Variants in ASCL3 observed in about 807,000 individuals in gnomAD.
ASCL3 encodes the protein achaete-scute homolog 3.
ASCL3 carries 1 observed loss-of-function variant against 2.3 expected under a neutral mutation model. That is an observed-to-expected ratio of 0.44 (90% CI 0.16 to 2.10). The LOEUF is 2.10. ASCL3 is among the 30% of genes most tolerant of loss of function. ASCL3 has a pLI of 0.28. For missense variants in ASCL3, 243 were observed against 229.0 expected (o/e 1.06, Z -0.40); for synonymous variants, 98 against 88.5 (o/e 1.11, Z -0.60).
chr11:8,937,615 C>T lies in ASCL3; in HGVS notation c.*1G>A. 2 of 1,600,566 alleles carry T rather than the reference C, an allele frequency of 1.2e-6. No individual in the cohort carries two copies. The highest frequency in any genetic ancestry group is 1.7e-6 in the Non-Finnish European group (2 of 1,171,844). On this transcript the variant is annotated 3_prime_UTR_variant, in exon 2 of 2. Transcript: ENST00000531618. ...ATTCATTTCTATTTGGAAACAGCAA[C>T]TCAAACAATTCTGAACATAGGGTCA...
chr11:8,939,524 C>G (rs1350487764), intron 1 of ASCL3, among the ~76,000 whole-genome samples: 2 of 152,122 alleles, frequency 1.3e-5, no homozygotes, highest in Non-Finnish European at 2.9e-5. Flanking sequence ...CAGGTGTGAG[C>G]CACTGTGCCC....
At chr11:8,938,492 G>A (rs1373595882) in intron 1 of ASCL3, among the ~76,000 whole-genome samples, 1 of 151,830 alleles carries the variant, frequency 6.6e-6, no homozygotes, top group East Asian at 1.9e-4. Context: ...CTTGTGATCC[G>A]CCCGCCTCAG....
intron 1 of ASCL3, among the ~76,000 whole-genome samples, chr11:8,942,453 C>T (rs1853713131): frequency 6.6e-6 from 1 of 152,016 alleles, no homozygotes; most frequent in Non-Finnish European, 1.5e-5. Flanking sequence ...TCCATGGTTC[C>T]AGATACAGAC....
At position 8,937,788 on chromosome 11, in the gene ASCL3, A is replaced by G. The variant is rs749889276; in HGVS notation, c.374T>C (p.Leu125Ser). 19 of 1,613,964 alleles carry G rather than the reference A, an allele frequency of 1.2e-5. No homozygotes were observed. The highest frequency in any genetic ancestry group is 8.3e-5 in the Admixed American group (5 of 59,998). ...QLRHHLPEEY[L>S]EKRLSKVETL... ...TTCCACTTTGCTGAGTCGCTTCTCC[A>G]AATACTCCTCTGGCAGATGATGGCG... Residue 125 changes from leucine (L) to serine (S), a missense_variant, in exon 2 of 2, where the codon TTG (leucine) becomes TCG (serine). Physicochemically the swap from Leu to Ser is moderately radical, Grantham distance 145. Coordinates refer to ENST00000531618, the MANE Select transcript of ASCL3 (RefSeq NM_020646.3).
chr11:8,942,778 C>T (rs924681573), intron 1 of ASCL3, among the ~76,000 whole-genome samples: 1 of 152,124 alleles, frequency 6.6e-6, no homozygotes, highest in Non-Finnish European at 1.5e-5. Flanking sequence ...TCCCGACTTC[C>T]AAATCAAAAC....
chr11:8,938,222 T>C (rs2064690041), intron 1 of ASCL3, 49 bp from the exon 2 acceptor site: 7 of 1,392,624 alleles, frequency 5.0e-6, no homozygotes, highest in Non-Finnish European at 5.9e-6. Context: ...AGAGCAGATA[T>C]GATCTACTTT....
intron 1 of ASCL3, 63 bp from the exon 2 acceptor site, chr11:8,938,236 G>T: frequency 7.5e-7 from 1 of 1,325,114 alleles, no homozygotes; most frequent in Non-Finnish European, 1.0e-6. Context: ...CTACTTTCTT[G>T]GAGATCAATG....
Position 8,937,913 on chromosome 11 carries a change from G to A in ASCL3, c.249C>T (p.Tyr83=). 2 of 1,614,096 alleles carry A rather than the reference G, an allele frequency of 1.2e-6. No homozygotes were observed. Among genetic ancestry groups the A allele is most frequent in the Non-Finnish European group, 8.5e-7 (1 of 1,180,000 alleles). The change falls in exon 2 of 2, where the codon TAC becomes TAT. Residue 83 remains tyrosine, a synonymous_variant. Coordinates refer to ENST00000531618, the MANE Select transcript of ASCL3 (RefSeq NM_020646.3). ...GCCCGTAGGAGTACTCGCACCCTCTGTAATTTGGATAAGGCATCGGGAAAG... is the reference window on the plus strand; with the variant it reads ...GCCCGTAGGAGTACTCGCACCCTCTATAATTTGGATAAGGCATCGGGAAAG... The part of the protein sequence containing the change: ...PFSFPMPYPN[Y]RGCEYSYGPA...
At position 8,938,179 on chromosome 11, in the gene ASCL3, A is replaced by G. The variant is rs1350380732; in HGVS notation, c.-12-6T>C. 1 of 1,563,190 alleles carries G rather than the reference A, an allele frequency of 6.4e-7. No individual in the cohort carries two copies. Among genetic ancestry groups the G allele is most frequent in the Non-Finnish European group, 8.7e-7 (1 of 1,153,290 alleles). On this transcript the variant is annotated splice_polypyrimidine_tract_variant and splice_region_variant and intron_variant, in intron 1 of 1. Coordinates refer to ENST00000531618, the MANE Select transcript of ASCL3 (RefSeq NM_020646.3). ...TCCATCATTTCCTCTTTAACCTGCA[A>G]ACATAACCAAGTTTAACAATGTGGT...
Position 8,942,914 on chromosome 11 carries a change from G to A in ASCL3, c.-13+72C>T, listed in dbSNP as rs1466610024. Among the ~76,000 whole-genome samples the A allele has an allele frequency of 3.3e-5, 5 of 152,108 alleles. No homozygotes were observed. In the East Asian group the frequency reaches 9.6e-4, roughly 29 times the overall value. On this transcript the variant is annotated intron_variant, in intron 1 of 1. Transcript: ENST00000531618. ...TGACAAAATTCAGTATTTATCAACT[G>A]TACCTAGGGATTTTCTTAAAAATCA...
Position 8,937,874 on chromosome 11 carries a change from C to A in ASCL3, c.288G>T (p.Arg96=), listed in dbSNP as rs534209643. The A allele has an allele frequency of 1.2e-6, 2 of 1,614,130 alleles. No homozygotes were observed. Among genetic ancestry groups the A allele is most frequent in the African/African-American group, 2.7e-5 (2 of 75,048 alleles). ...CEYSYGPAFT[R]KRNERERQRV... is the part of the protein sequence containing the mutation. Reference sequence around the variant, plus strand: ...GCTGCCTTTCCCGCTCATTCCTTTTCCGGGTGAAGGCTGGCCCGTAGGAGT... The same window carrying A: ...GCTGCCTTTCCCGCTCATTCCTTTTACGGGTGAAGGCTGGCCCGTAGGAGT... Residue 96 remains arginine (R), a synonymous_variant, in exon 2 of 2, where the codon CGG becomes CGT. Coordinates refer to ENST00000531618, the MANE Select transcript of ASCL3 (RefSeq NM_020646.3).
chr11:8,942,478 C>T (rs1179909919), intron 1 of ASCL3, among the ~76,000 whole-genome samples: 1 of 152,094 alleles, frequency 6.6e-6, no homozygotes, highest in Non-Finnish European at 1.5e-5. Context: ...CTAACAAACA[C>T]ACCTATGTTG....
intron 1 of ASCL3, among the ~76,000 whole-genome samples, chr11:8,941,871 C>T (rs1853703229): frequency 1.3e-5 from 2 of 152,040 alleles, no homozygotes; most frequent in Admixed American, 6.5e-5. Context: ...AGAGAAAGAA[C>T]GGGTATGGCA....
rs2134847212 is a variant in ASCL3, at chr11:8,937,637, G to A, written c.525C>T (p.Asp175=). The A allele has an allele frequency of 1.9e-6, 3 of 1,613,714 alleles. No individual in the cohort carries two copies. Among genetic ancestry groups the A allele is most frequent in the East Asian group, 4.5e-5 (2 of 44,882 alleles). The stretch of plus-strand genomic sequence containing the variant: ...CAACTCAAACAATTCTGAACATAGG[G>A]TCAGCATGGTGGCTGGTGGTTGCTA... The part of the protein sequence containing the change: ...SMIATTSHHA[D]PMFRIV Residue 175 remains aspartate, a synonymous_variant, in exon 2 of 2, where the codon GAC becomes GAT. Transcript: ENST00000531618.
At chr11:8,942,438 G>A (rs1853712749) in intron 1 of ASCL3, among the ~76,000 whole-genome samples, 1 of 152,060 alleles carries the variant, frequency 6.6e-6, no homozygotes, top group Non-Finnish European at 1.5e-5. Flanking sequence ...TGGTAGTGCT[G>A]GGGCTCCATG....
At chr11:8,939,339 A>G (rs1487485113) in intron 1 of ASCL3, among the ~76,000 whole-genome samples, 1 of 151,808 alleles carries the variant, frequency 6.6e-6, no homozygotes. Flanking sequence ...CCCCGGGTTC[A>G]AGTGATTCTC....
At chr11:8,941,667 G>T (rs1241817406) in intron 1 of ASCL3, among the ~76,000 whole-genome samples, 1 of 152,076 alleles carries the variant, frequency 6.6e-6, no homozygotes, top group Non-Finnish European at 1.5e-5. Context: ...AGATAAGTGG[G>T]ATAGCTCCAA....
intron 1 of ASCL3, among the ~76,000 whole-genome samples, chr11:8,941,474 C>T (rs1015124912): frequency 1.3e-5 from 2 of 151,928 alleles, no homozygotes; most frequent in Non-Finnish European, 2.9e-5. Flanking sequence ...GGAGCAGCCC[C>T]TAAGACCAGA....
chr11:8,939,330 C>A (rs545730102), intron 1 of ASCL3, among the ~76,000 whole-genome samples: 1 of 152,096 alleles, frequency 6.6e-6, no homozygotes, highest in Admixed American at 6.5e-5. Flanking sequence ...CCTCTGCCCC[C>A]CCGGGTTCAA....
Sources: gnomAD v4.1 joint callset for allele counts (sites outside exome capture counted in the v4.1 genomes callset) on GRCh38, gnomAD v4.1.1 for gene constraint, MANE v1.5 for transcripts, NCBI Gene and HGNC (gene_info 2026-07-23, HGNC 2026-07-21) for gene names.